The following CUX1 variants were observed in gnomAD, a reference collection of about 807,000 sequenced individuals.
CUX1 encodes the protein protein CASP.
In CUX1, 31 loss-of-function variants were observed where a neutral mutation model predicts 158.8. That is an observed-to-expected ratio of 0.20 (90% CI 0.15 to 0.26). The LOEUF (loss-of-function observed/expected upper bound fraction) is 0.26. Ranked by LOEUF, CUX1 falls within the 10% of genes least tolerant of loss-of-function variation. CUX1 has a pLI of 1.00. For missense variants in CUX1, 1,589 were observed against 2,014.6 expected, an observed-to-expected ratio of 0.79 and a Z score of 4.04; for synonymous variants, 879 against 862.1, an observed-to-expected ratio of 1.02 and a Z score of -0.34.
At chr7:102,040,660 C>T (rs1385359928) in intron 3 of CUX1, among the ~76,000 whole-genome samples, 1 of 152,228 alleles carries the variant, frequency 6.6e-6, no homozygotes, top group Non-Finnish European at 1.5e-5. Flanking sequence ...GCCCATCTTG[C>T]AGCCCATATC....
chr7:101,919,409 G>A (rs907851337), intron 2 of CUX1, among the ~76,000 whole-genome samples: 2 of 152,170 alleles, frequency 1.3e-5, no homozygotes, highest in African/African-American at 4.8e-5. Flanking sequence ...AGGTGACGTC[G>A]GGTTGTTGCA....
intron 8 of CUX1, among the ~76,000 whole-genome samples, chr7:102,155,953 T>G (rs893660969): frequency 1.3e-5 from 2 of 152,206 alleles, no homozygotes; most frequent in East Asian, 3.8e-4. Context: ...TAAAAATAGC[T>G]TCATTTAACT....
intron 23 of CUX1, among the ~76,000 whole-genome samples, chr7:102,244,831 G>T (rs782119472): frequency 1.7e-4 from 26 of 152,164 alleles, no homozygotes; most frequent in Non-Finnish European, 2.2e-4. Flanking sequence ...AACCCTCGCA[G>T]CCACGGCATT....
intron 2 of CUX1, among the ~76,000 whole-genome samples, chr7:101,944,423 T>G (rs1231759758): frequency 6.6e-6 from 1 of 152,110 alleles, no homozygotes; most frequent in Non-Finnish European, 1.5e-5. Flanking sequence ...CCTACCAAGG[T>G]CTGGGGGAAG....
At chr7:102,283,334 T>TC (rs1792256682) in exon 23 of CUX1, 2 of 542,592 alleles carry the variant, frequency 3.7e-6, no homozygotes, top group Admixed American at 6.1e-5. Flanking sequence ...AGAGACCCTC[T>TC]CAGCCCCCAC....
chr7:101,905,666 CCGTGAGAT>C (rs1802671355), intron 1 of CUX1, among the ~76,000 whole-genome samples: 1 of 152,224 alleles, frequency 6.6e-6, no homozygotes, highest in African/African-American at 2.4e-5. Flanking sequence ...CCACCATACG[CCGTGAGAT>C]CTGGCCAAGA....
intron 2 of CUX1, among the ~76,000 whole-genome samples, chr7:101,930,958 G>A (rs1331207306): frequency 1.3e-4 from 20 of 152,178 alleles, no homozygotes; most frequent in African/African-American, 4.6e-4. Flanking sequence ...TTAGCCGGGT[G>A]TGGTGGAGTG....
chr7:101,964,497 G>A (rs992213414), intron 2 of CUX1, among the ~76,000 whole-genome samples: 12 of 152,098 alleles, frequency 7.9e-5, no homozygotes, highest in Admixed American at 5.9e-4. Context: ...AATATATCCC[G>A]ATTCTAAGAA....
chr7:102,112,817 A>G (rs2131092112), intron 7 of CUX1, among the ~76,000 whole-genome samples: 1 of 152,170 alleles, frequency 6.6e-6, no homozygotes, highest in South Asian at 2.1e-4. Context: ...GTGAGCCACC[A>G]CACCCAGCCT....
intron 15 of CUX1, among the ~76,000 whole-genome samples, chr7:102,197,608 G>A (rs1049070428): frequency 3.3e-5 from 5 of 152,098 alleles, no homozygotes; most frequent in African/African-American, 7.2e-5. Flanking sequence ...TAGCGTCTCC[G>A]TATGCTTAGT....
chr7:102,240,454 C>T (rs1297206699), intron 23 of CUX1, among the ~76,000 whole-genome samples: 1 of 151,878 alleles, frequency 6.6e-6, no homozygotes, highest in African/African-American at 2.4e-5. Flanking sequence ...ACAGGGGTCT[C>T]GCTCTGTTGC....
chr7:102,014,130 A>G (rs761401585), intron 2 of CUX1, among the ~76,000 whole-genome samples: 1 of 152,162 alleles, frequency 6.6e-6, no homozygotes, highest in African/African-American at 2.4e-5. Flanking sequence ...AACTGTGTCT[A>G]TCTCTGTTCA....
intron 2 of CUX1, among the ~76,000 whole-genome samples, chr7:102,014,425 C>G (rs1173011349): frequency 2.0e-5 from 3 of 152,220 alleles, no homozygotes; most frequent in Non-Finnish European, 2.9e-5. Flanking sequence ...TAGATACGCT[C>G]TACGCTCTGC....
chr7:102,107,585 C>G (rs1182025880), intron 6 of CUX1, among the ~76,000 whole-genome samples: 1 of 152,180 alleles, frequency 6.6e-6, no homozygotes, highest in Non-Finnish European at 1.5e-5. Flanking sequence ...CCAGCTCCCG[C>G]CCACCCGGGG....
At chr7:101,937,509 CTT>C (rs568227733) in intron 2 of CUX1, among the ~76,000 whole-genome samples, 26 of 141,724 alleles carry the variant, frequency 1.8e-4, no homozygotes, top group Admixed American at 1.4e-4. Flanking sequence ...AAAATCAAGT[CTT>C]TTTTTTTTTT....
chr7:102,158,127 C>T (rs1789990344), intron 8 of CUX1, among the ~76,000 whole-genome samples: 1 of 152,080 alleles, frequency 6.6e-6, no homozygotes, highest in Non-Finnish European at 1.5e-5. Flanking sequence ...TCACCCCCAG[C>T]CTGGCAAACT....
chr7:102,009,353 C>T (rs1038667948), intron 2 of CUX1, among the ~76,000 whole-genome samples: 2 of 152,196 alleles, frequency 1.3e-5, no homozygotes, highest in African/African-American at 2.4e-5. Flanking sequence ...CACCCCTCAC[C>T]TAGGCCGCAC....
chr7:102,248,997 G>A lies in CUX1; in HGVS notation c.4473G>A (p.Leu1491=). 7.1e-7 allele frequency: 1 copy of A among 1,412,802 alleles called. No homozygotes were observed. The highest frequency in any genetic ancestry group is 1.4e-5 in the South Asian group (1 of 70,348). 87.5% of individuals were successfully genotyped at this position (1,412,802 alleles called of 1,614,324 possible). ...ACTTGAACAGCATCATCCACCGCCT[G>A]GAGAAGGCCGCCAGCCGGGAGGAAC... ...AANLNSIIHR[L]EKAASREEPI... The change falls in exon 24 of 24, where the codon CTG becomes CTA. Residue 1491 remains leucine (L), a synonymous_variant. Coordinates refer to ENST00000292535, the MANE Select transcript of CUX1 (RefSeq NM_181552.4). The surrounding 1 kb of genome is among the most constrained non-coding windows in gnomAD (Gnocchi z 5.8).
At chr7:102,173,765 A>G (rs538646633) in intron 10 of CUX1, among the ~76,000 whole-genome samples, 2 of 152,256 alleles carry the variant, frequency 1.3e-5, no homozygotes, top group African/African-American at 4.8e-5. Flanking sequence ...TGTGGATCCT[A>G]GGGGCGCTTA....
Sources: allele counts gnomAD v4.1 joint callset (sites outside exome capture counted in the v4.1 genomes callset), GRCh38; gene constraint gnomAD v4.1.1; non-coding constraint Gnocchi (gnomAD v3.1); transcripts MANE v1.5; gene names NCBI Gene and HGNC (gene_info 2026-07-23, HGNC 2026-07-21).